The following RFX3 variants were observed in gnomAD, a reference collection of about 807,000 sequenced individuals.
RFX3 encodes regulatory factor X3.
A neutral mutation model predicts 98.6 loss-of-function variants in RFX3; 14 were observed. The ratio of observed to expected loss-of-function variants is 0.14; its 90% CI spans 0.09 to 0.22. The LOEUF (loss-of-function observed/expected upper bound fraction) is 0.22, where lower values mean the gene tolerates loss of function less well. Ranked by LOEUF, RFX3 falls within the 10% of genes least tolerant of loss-of-function variation. The pLI is 1.00. For synonymous variants in RFX3, 383 were observed against 328.4 expected, an observed-to-expected ratio of 1.17 and a Z score of -1.80; for missense variants, 639 against 926.9, an observed-to-expected ratio of 0.69 and a Z score of 4.03.
At chr9:3,417,395 A>G (rs1156364182) in intron 1 of RFX3, among the ~76,000 whole-genome samples, 1 of 152,238 alleles carries the variant, frequency 6.6e-6, no homozygotes, top group Middle Eastern at 3.4e-3. Context: ...AAGTACACAC[A>G]AAACATTTAA....
intron 1 of RFX3, among the ~76,000 whole-genome samples, chr9:3,438,515 A>G (rs1007720499): frequency 6.6e-6 from 1 of 152,214 alleles, no homozygotes; most frequent in Non-Finnish European, 1.5e-5. Flanking sequence ...GCAAGATGAC[A>G]AAAGGAACCA....
chr9:3,331,333 G>T (rs1832579453), intron 3 of RFX3, among the ~76,000 whole-genome samples: 1 of 152,022 alleles, frequency 6.6e-6, no homozygotes, highest in Non-Finnish European at 1.5e-5. Context: ...TTCTGATTAA[G>T]CTTATTTGAT....
intron 4 of RFX3, among the ~76,000 whole-genome samples, chr9:3,318,995 T>C (rs534285851): frequency 2.0e-5 from 3 of 152,316 alleles, no homozygotes; most frequent in Admixed American, 1.3e-4. Flanking sequence ...TTCTGAGACA[T>C]CAAGTACAAA....
At chr9:3,385,715 G>C (rs944459638) in intron 2 of RFX3, among the ~76,000 whole-genome samples, 1 of 145,060 alleles carries the variant, frequency 6.9e-6, no homozygotes, top group African/African-American at 2.5e-5. Flanking sequence ...GAAAAGAAAA[G>C]AAAAGAAAAG....
chr9:3,436,251 A>C (rs1170789862), intron 1 of RFX3, among the ~76,000 whole-genome samples: 2 of 152,042 alleles, frequency 1.3e-5, no homozygotes, highest in African/African-American at 4.8e-5. Flanking sequence ...ATCCTTCTAG[A>C]TTTCCATTTT....
chr9:3,329,848 T>G (rs1326788064), intron 4 of RFX3, among the ~76,000 whole-genome samples: 1 of 152,174 alleles, frequency 6.6e-6, no homozygotes, highest in Non-Finnish European at 1.5e-5. Flanking sequence ...TAAATATTAT[T>G]GTTGAAAGAT....
At chr9:3,517,853 C>T (rs1484011153) in intron 1 of RFX3, among the ~76,000 whole-genome samples, 2 of 152,168 alleles carry the variant, frequency 1.3e-5, no homozygotes, top group African/African-American at 4.8e-5. Flanking sequence ...AATAGACTAT[C>T]GGAAATGGTA....
At chr9:3,260,206 T>C (rs968236103) in intron 13 of RFX3, among the ~76,000 whole-genome samples, 20 of 152,068 alleles carry the variant, frequency 1.3e-4, no homozygotes, top group Admixed American at 1.2e-3. Context: ...AAGAAGGTTT[T>C]GGAGGGCAGA....
rs147072480 is a variant in RFX3 at position 3,413,797 on chromosome 9, C to G, written c.-8-18201G>C. 2.6e-5 allele frequency among the ~76,000 whole-genome samples: 4 copies of G among 152,040 alleles called. No homozygotes were observed. The East Asian group carries it at 5.8e-4, about 22-fold the overall frequency. ...CTTAGTAAGGCTGCAAGTGAAAAAC[C>G]CTTTATGCTTTTTTGAATAATATCC... On this transcript the variant is annotated intron_variant, in intron 1 of 16. Transcript: ENST00000617270.
intron 3 of RFX3, among the ~76,000 whole-genome samples, chr9:3,345,879 T>C (rs1337914496): frequency 6.6e-6 from 1 of 152,060 alleles, no homozygotes; most frequent in Admixed American, 6.5e-5. Context: ...AAAGAGTAGA[T>C]GTAGTAAGAA....
rs137942090 is a variant in RFX3, at chr9:3,466,662, A to T, written c.-9+59085T>A. 4.5e-4 allele frequency among the ~76,000 whole-genome samples: 69 copies of T among 152,258 alleles called. 1 individual carries two copies. In the East Asian group the frequency reaches 9.1e-3, roughly 20 times the overall value. On this transcript the variant is annotated intron_variant, in intron 1 of 16. Transcript: ENST00000617270. ...AAGATTCAATTAGATGTCTTATTTG[A>T]AAATACCAAGAGATTCAAAGATAAC...
chr9:3,316,171 T>C (rs574445986), intron 4 of RFX3, among the ~76,000 whole-genome samples: 15 of 152,264 alleles, frequency 9.9e-5, no homozygotes, highest in African/African-American at 3.4e-4. Context: ...TAAAACCCTA[T>C]CTACCACTAT....
chr9:3,277,087 A>C (rs1431151128), intron 8 of RFX3, among the ~76,000 whole-genome samples: 1 of 152,082 alleles, frequency 6.6e-6, no homozygotes, highest in Non-Finnish European at 1.5e-5. Context: ...AATTCTGGAA[A>C]ACAATTTCAT....
chr9:3,281,610 G>C (rs1174310087), intron 7 of RFX3, among the ~76,000 whole-genome samples: 1 of 151,692 alleles, frequency 6.6e-6, no homozygotes, highest in African/African-American at 2.4e-5. Flanking sequence ...AATTTTAACA[G>C]CTTGCAACTC....
intron 12 of RFX3, among the ~76,000 whole-genome samples, chr9:3,264,689 C>A (rs1318559625): frequency 1.3e-5 from 2 of 152,170 alleles, no homozygotes; most frequent in East Asian, 3.8e-4. Flanking sequence ...TTGACCTGGG[C>A]ATTTTGATTC....
chr9:3,317,732 AAAG>A lies in RFX3; in HGVS notation c.474+12524_474+12526del, dbSNP rs1830791706. On this transcript the variant is annotated intron_variant, in intron 4 of 16. Coordinates refer to ENST00000617270, the MANE Select transcript of RFX3 (RefSeq NM_001282116.2). ...AAAGGATATGAACAGACACTTCTCA[AAAG>A]AAGACATTTATGCAGCCAATAGACA... Among the ~76,000 whole-genome samples, 3 of 152,258 alleles carry A rather than the reference AAAG, an allele frequency of 2.0e-5. No homozygotes were observed. In the South Asian group the frequency reaches 6.2e-4, roughly 31 times the overall value.
intron 1 of RFX3, chr9:3,490,344 G>A (rs2133491067): frequency 1.0e-6 from 1 of 982,028 alleles, no homozygotes; most frequent in Admixed American, 6.2e-5. Flanking sequence ...TGACCAAGTG[G>A]CCTAAAATAT....
At chr9:3,499,580 T>C (rs984864203) in intron 1 of RFX3, among the ~76,000 whole-genome samples, 4 of 152,046 alleles carry the variant, frequency 2.6e-5, no homozygotes, top group Admixed American at 2.6e-4. Context: ...AGTTTATAAA[T>C]GAAATACTGT....
At chr9:3,469,717 C>T (rs1004725735) in intron 1 of RFX3, among the ~76,000 whole-genome samples, 2 of 151,596 alleles carry the variant, frequency 1.3e-5, no homozygotes, top group Non-Finnish European at 1.5e-5. Context: ...CGTACAAAAT[C>T]AACAATGAAA....
Sources: allele counts gnomAD v4.1 joint callset (sites outside exome capture counted in the v4.1 genomes callset), GRCh38; gene constraint gnomAD v4.1.1; transcripts MANE v1.5; gene names NCBI Gene and HGNC (gene_info 2026-07-23, HGNC 2026-07-21).